PCDH15: variants seen among roughly 807,000 people sequenced by gnomAD.
PCDH15 encodes protocadherin-15.
Under a neutral mutation model 178.5 loss-of-function variants are expected in PCDH15, and 129 were observed. The ratio of observed to expected loss-of-function variants is 0.72; its 90% CI spans 0.63 to 0.84. The LOEUF (loss-of-function observed/expected upper bound fraction) is 0.84, where lower values mean the gene tolerates loss of function less well. Ranked by LOEUF, PCDH15 falls within the 40% of genes least tolerant of loss-of-function variation. PCDH15 has a pLI of 0.00. For synonymous variants in PCDH15, 800 were observed against 732.0 expected (o/e 1.09, Z -1.50); for missense variants, 2,230 against 2,099.9 (o/e 1.06, Z -1.21).
In PCDH15 at chr10:54,084,400, G is replaced by A. The variant is rs897367425; in HGVS notation, c.1998-4976C>T. Among the ~76,000 whole-genome samples, 24 of 151,760 alleles carry A rather than the reference G, an allele frequency of 1.6e-4. No individual in the cohort carries two copies. In the East Asian group the frequency reaches 4.8e-3, roughly 30 times the overall value. ...AGGGAGGAGAATCCCTTGAACCCAG[G>A]AGGCGGAGGTTGCAGTAAGCCGAGA... On this transcript the variant is annotated intron_variant, in intron 16 of 37. Coordinates refer to ENST00000644397, the MANE Select transcript of PCDH15 (RefSeq NM_001384140.1).
chr10:54,420,589 A>G (rs1955117986), intron 3 of PCDH15, among the ~76,000 whole-genome samples: 1 of 152,034 alleles, frequency 6.6e-6, no homozygotes, highest in East Asian at 1.9e-4. Context: ...TTTTAAGGAG[A>G]GGAGTGACAT....
chr10:54,721,245 A>G lies in PCDH15; in HGVS notation c.-28-56955T>C, dbSNP rs930301568. ...GGGATACAACAAAGAAAAGTACTAA[A>G]GGCAAAGTTTATAGTGTTAAATGTC... On this transcript the variant is annotated intron_variant, in intron 1 of 37. Transcript: ENST00000644397. Among the ~76,000 whole-genome samples, 6 of 151,992 alleles carry G rather than the reference A, an allele frequency of 3.9e-5. No individual in the cohort carries two copies. The East Asian group carries it at 1.2e-3, about 29-fold the overall frequency.
At chr10:55,471,977 G>GT (rs1839964878) in intron 2 of PCDH15, among the ~76,000 whole-genome samples, 1 of 152,142 alleles carries the variant, frequency 6.6e-6, no homozygotes. Flanking sequence ...GAGGATGGTG[G>GT]TTTTATGCCC....
chr10:54,817,072 C>A (rs1952960192), intron 3 of PCDH15, among the ~76,000 whole-genome samples: 1 of 151,952 alleles, frequency 6.6e-6, no homozygotes. Context: ...CAACCAGGAC[C>A]AAGTTTTGTT....
chr10:53,857,753 G>A lies in PCDH15; in HGVS notation c.3718-490C>T, dbSNP rs184820944. 2.6e-5 allele frequency among the ~76,000 whole-genome samples: 4 copies of A among 152,062 alleles called. No homozygotes were observed. The East Asian group carries it at 5.8e-4, about 22-fold the overall frequency. On this transcript the variant is annotated intron_variant, in intron 27 of 37. Coordinates refer to ENST00000644397, the MANE Select transcript of PCDH15 (RefSeq NM_001384140.1). ...TGTCTATTTAACCAACTTTAAATTT[G>A]TGTAGGTAGAGGTATATATTTAGAA...
chr10:55,155,094 A>G (rs1246775756), intron 2 of PCDH15, among the ~76,000 whole-genome samples: 1 of 102,424 alleles, frequency 9.8e-6, no homozygotes, highest in Non-Finnish European at 2.6e-5. Flanking sequence ...TAGGTATAAT[A>G]GTATAGATAC....
At chr10:54,199,397 T>A (rs2050006079) in intron 10 of PCDH15, among the ~76,000 whole-genome samples, 1 of 152,106 alleles carries the variant, frequency 6.6e-6, no homozygotes, top group South Asian at 2.1e-4. Flanking sequence ...TCAGGTCTCC[T>A]GATTTTTAAG....
chr10:54,497,218 T>A (rs2080206460), intron 3 of PCDH15, among the ~76,000 whole-genome samples: 1 of 150,302 alleles, frequency 6.7e-6, no homozygotes, highest in Non-Finnish European at 1.5e-5. Context: ...GAAAGCCAAT[T>A]GACTAAACCC....
chr10:55,256,009 C>A (rs1255078382), intron 1 of PCDH15, among the ~76,000 whole-genome samples: 1 of 152,130 alleles, frequency 6.6e-6, no homozygotes, highest in South Asian at 2.1e-4. Flanking sequence ...GTGTTTTAGA[C>A]ATGAAGTCCT....
chr10:54,374,988 T>C (rs1279726722), intron 4 of PCDH15, among the ~76,000 whole-genome samples: 1 of 152,104 alleles, frequency 6.6e-6, no homozygotes, highest in Non-Finnish European at 1.5e-5. Flanking sequence ...AACGTCCCCA[T>C]TAAGAGACAG....
In PCDH15 at chr10:54,360,882, C is replaced by CCCA. The variant is rs371356124; in HGVS notation, c.474+8235_474+8237dup. On this transcript the variant is annotated intron_variant, in intron 5 of 37. Coordinates refer to ENST00000644397, the MANE Select transcript of PCDH15 (RefSeq NM_001384140.1). ...TGACAAATTTATCATAGGGAAAGTG[C>CCCA]CCATCTGTGAATAGAATGAAGTTTA... 8.3e-3 allele frequency among the ~76,000 whole-genome samples: 1,267 copies of CCCA among 152,116 alleles called. 17 individuals carry two copies. Among genetic ancestry groups the CCCA allele is most frequent in the African/African-American group, 0.024 (1,007 of 41,504 alleles).
At chr10:55,334,114 T>G (rs1844289656) in intron 2 of PCDH15, among the ~76,000 whole-genome samples, 2 of 150,286 alleles carry the variant, frequency 1.3e-5, no homozygotes, top group South Asian at 2.1e-4. Context: ...GGTATAGGTA[T>G]AGTCAGTGTG....
intron 2 of PCDH15, among the ~76,000 whole-genome samples, chr10:54,906,263 A>AG (rs1465069582): frequency 3.3e-5 from 5 of 152,146 alleles, no homozygotes; most frequent in African/African-American, 1.2e-4. Context: ...GAGGACCCAG[A>AG]TGACTATTCT....
chr10:55,071,895 G>A (rs1346279415), intron 2 of PCDH15, among the ~76,000 whole-genome samples: 1 of 152,078 alleles, frequency 6.6e-6, no homozygotes, highest in African/African-American at 2.4e-5. Flanking sequence ...ATAACAAACT[G>A]TCTCTCAGAC....
In PCDH15 at chr10:54,023,012, A is replaced by C; in HGVS notation, c.2406T>G (p.Thr802=). The change falls in exon 19 of 38, where the codon ACT becomes ACG. Residue 802 remains threonine (T), a synonymous_variant. Transcript: ENST00000644397. ...CCAAAACCTTGATGGCCAAGGTTAG[A>C]GTTGAATGACGAGGGTGTACTGCTC... is the stretch of plus-strand genomic sequence containing the variant. ...TDGAVHPRHS[T]LTLAIKVLDI... is the part of the protein sequence containing the mutation. The C allele has an allele frequency of 2.5e-6, 4 of 1,613,986 alleles. No homozygotes were observed. Among genetic ancestry groups the C allele is most frequent in the Non-Finnish European group, 2.5e-6 (3 of 1,179,886 alleles).
intron 3 of PCDH15, among the ~76,000 whole-genome samples, chr10:54,425,837 A>T (rs1403293962): frequency 6.6e-6 from 1 of 152,108 alleles, no homozygotes; most frequent in African/African-American, 2.4e-5. Flanking sequence ...GCTTTTTTTC[A>T]AAATTTTGAT....
At position 54,463,907 on chromosome 10, in the gene PCDH15, T is replaced by C. The variant is rs151268611; in HGVS notation, c.157+63905A>G. ...AGGAAGAAACACAGAGAAGAGGACA[T>C]TTGAGACAGAGAAAACAACATGTGT... On this transcript the variant is annotated intron_variant, in intron 3 of 37. Coordinates refer to ENST00000644397, the MANE Select transcript of PCDH15 (RefSeq NM_001384140.1). 8.3e-3 allele frequency among the ~76,000 whole-genome samples: 1,258 copies of C among 152,080 alleles called. 6 individuals carry two copies. The highest frequency in any genetic ancestry group is 0.012 in the Non-Finnish European group (831 of 67,976).
At chr10:53,821,949 A>G in intron 32 of PCDH15, 1 of 1,613,692 alleles carries the variant, frequency 6.2e-7, no homozygotes, top group African/African-American at 1.3e-5. Context: ...TGTGATTTCC[A>G]TATTTGTTAC....
At chr10:54,410,327 T>G (rs1418196087) in intron 3 of PCDH15, among the ~76,000 whole-genome samples, 2 of 152,156 alleles carry the variant, frequency 1.3e-5, no homozygotes, top group Non-Finnish European at 2.9e-5. Flanking sequence ...TGTAGCAGCT[T>G]CCAATTTACC....
Sources: allele counts gnomAD v4.1 joint callset (sites outside exome capture counted in the v4.1 genomes callset), GRCh38; gene constraint gnomAD v4.1.1; transcripts MANE v1.5; gene names NCBI Gene and HGNC (gene_info 2026-07-23, HGNC 2026-07-21).